Variants in HDLBP observed in about 807,000 individuals in gnomAD.
The protein encoded by HDLBP is vigilin.
Under a neutral mutation model 137.3 loss-of-function variants are expected in HDLBP, and 30 were observed. The ratio of observed to expected loss-of-function variants is 0.22; its 90% CI spans 0.16 to 0.30. The LOEUF is 0.30. HDLBP is among the 10% of genes least tolerant of loss of function. HDLBP has a pLI of 1.00. For missense variants in HDLBP, 1,119 were observed against 1,667.3 expected, an observed-to-expected ratio of 0.67 and a Z score of 5.73; for synonymous variants, 606 against 596.0, an observed-to-expected ratio of 1.02 and a Z score of -0.24.
intron 1 of HDLBP, among the ~76,000 whole-genome samples, chr2:241,311,436 T>C (rs2075755552): frequency 6.6e-6 from 1 of 152,108 alleles, no homozygotes; most frequent in Admixed American, 6.5e-5. Context: ...GAGAATGACA[T>C]AGGTTCCAGA....
At chr2:241,268,826 A>C (rs1559527868) in intron 1 of HDLBP, 1 of 152,240 alleles carries the variant, frequency 6.6e-6, no homozygotes, top group East Asian at 1.9e-4. Flanking sequence ...TTCTAAACTT[A>C]ACTATTTTGA....
intron 12 of HDLBP, 74 bp from the exon 13 acceptor site, chr2:241,248,422 C>A (rs2071850266): frequency 1.7e-6 from 2 of 1,210,724 alleles, no homozygotes; most frequent in Non-Finnish European, 1.2e-6. Flanking sequence ...CAAGGGGACA[C>A]CAGGGAGCCC....
chr2:241,306,500 C>A (rs1380648374), intron 1 of HDLBP, among the ~76,000 whole-genome samples: 1 of 151,892 alleles, frequency 6.6e-6, no homozygotes, highest in African/African-American at 2.4e-5. Flanking sequence ...CTCAGGTGAT[C>A]TGCCCGCCTC....
intron 3 of HDLBP, 26 bp downstream of exon 3, chr2:241,266,768 G>A: frequency 1.4e-6 from 2 of 1,390,762 alleles, no homozygotes; most frequent in South Asian, 2.3e-5. Flanking sequence ...GACATTACCA[G>A]GAAGAGCACA....
rs762688647 is a variant in HDLBP at position 241,229,605 on chromosome 2, C to T, written c.3803G>A (p.Arg1268Gln). ...APKTLPWGPK[R>Q] ...GGGTTCTGTTCTTTTTGATCATTAT[C>T]GTTTGGGGCCCCAAGGGAGGGTCTT... The change falls in exon 28 of 28, where the codon CGA becomes CAA. Residue 1268 changes from arginine (R) to glutamine (Q), a missense_variant. Arg to Gln is a conservative substitution (Grantham distance 43). Transcript: ENST00000310931. 1.9e-6 allele frequency: 3 copies of T among 1,612,514 alleles called. No individual in the cohort carries two copies. The highest frequency in any genetic ancestry group is 2.2e-5 in the East Asian group (1 of 44,870).
intron 1 of HDLBP, among the ~76,000 whole-genome samples, chr2:241,276,696 T>C (rs2074398740): frequency 1.3e-5 from 2 of 152,146 alleles, no homozygotes; most frequent in Admixed American, 6.5e-5. Context: ...GACTGTAGGA[T>C]AAAAATCATT....
intron 16 of HDLBP, 86 bp from the exon 17 acceptor site, chr2:241,242,764 G>T: frequency 1.7e-6 from 2 of 1,168,704 alleles, no homozygotes; most frequent in Non-Finnish European, 1.2e-6. Context: ...ATCTTTGGTG[G>T]TGATGAACAC....
chr2:241,271,250 T>A (rs1559530961), intron 1 of HDLBP: 2 of 475,788 alleles, frequency 4.2e-6, no homozygotes, highest in African/African-American at 2.1e-5. Flanking sequence ...CAGGTCCACC[T>A]AATGTAAACC....
rs527662907 is a variant in HDLBP at position 241,229,037 on chromosome 2, A to AC, written c.*563dup. 111 of 154,360 alleles carry AC rather than the reference A, an allele frequency of 7.2e-4. 2 individuals are homozygous for AC. The South Asian group carries it at 0.021, about 30-fold the overall frequency. The allele number at this position is 154,360 out of a possible 1,614,324, so 9.6% of individuals were successfully genotyped here. On this transcript the variant is annotated 3_prime_UTR_variant, in exon 28 of 28. Transcript: ENST00000310931. ...CCCGTCACCCTCTGCCTCTCAGGTC[A>AC]CCCCCCAGCTCCAGGAACCTGCCTC...
chr2:241,235,349 C>G, intron 22 of HDLBP, 94 bp from the exon 23 acceptor site: 1 of 1,544,674 alleles, frequency 6.5e-7, no homozygotes, highest in Non-Finnish European at 8.8e-7. Context: ...AGAGGGAAGG[C>G]CACCCGCCGT....
rs1385387375 is a variant in HDLBP, at chr2:241,238,227, G to A, written c.2749+422C>T. ...CCTAGAACTGCCGGCCACTTGGATGGTGCCCTCTGGCCAGCCAGAGGCTGC... is the reference window on the plus strand; with the variant it reads ...CCTAGAACTGCCGGCCACTTGGATGATGCCCTCTGGCCAGCCAGAGGCTGC... On this transcript the variant is annotated intron_variant, in intron 20 of 27. Coordinates refer to ENST00000310931, the MANE Select transcript of HDLBP (RefSeq NM_005336.6). This position sits in a 1 kb window ranked among gnomAD's most constrained non-coding sequence, Gnocchi z 4.9. The A allele has an allele frequency of 2.6e-5, 4 of 154,234 alleles. No individual in the cohort carries two copies. The highest frequency in any genetic ancestry group is 9.6e-5 in the African/African-American group (4 of 41,548). The allele number at this position is 154,234 out of a possible 1,614,324, so 9.6% of individuals were successfully genotyped here.
intron 1 of HDLBP, among the ~76,000 whole-genome samples, chr2:241,290,447 CT>C (rs2074975779): frequency 6.6e-6 from 1 of 152,076 alleles, no homozygotes; most frequent in Admixed American, 6.6e-5. Flanking sequence ...CCCGTCTCTA[CT>C]AAAAATACAA....
chr2:241,294,015 C>G (rs566303005), intron 1 of HDLBP, among the ~76,000 whole-genome samples: 4 of 151,600 alleles, frequency 2.6e-5, no homozygotes, highest in Non-Finnish European at 5.9e-5. Context: ...GAGCAATTAA[C>G]TCTCTCTAGC....
intron 1 of HDLBP, among the ~76,000 whole-genome samples, chr2:241,287,399 G>A (rs1008664010): frequency 3.3e-5 from 5 of 149,810 alleles, no homozygotes; most frequent in East Asian, 3.9e-4. Flanking sequence ...AAGCCACCGC[G>A]CCCGGCCTAT....
Position 241,236,388 on chromosome 2 carries a change from C to T in HDLBP, c.2904+227G>A, listed in dbSNP as rs1344394140. 8.8e-6 allele frequency: 5 copies of T among 566,582 alleles called. No homozygotes were observed. The Admixed American group carries it at 1.6e-4, about 18-fold the overall frequency. The allele number at this position is 566,582 out of a possible 1,614,324, so 35.1% of individuals were successfully genotyped here. On this transcript the variant is annotated intron_variant, in intron 21 of 27. Transcript: ENST00000310931. ...AGAGGCCGGATCCCATGCAGCTGTC[C>T]CAGAAAGGGGCTATAGAACCCCGAG...
chr2:241,265,927 G>A (rs1017376071), intron 3 of HDLBP, among the ~76,000 whole-genome samples: 1 of 152,226 alleles, frequency 6.6e-6, no homozygotes, highest in Admixed American at 6.5e-5. Flanking sequence ...ACCTGACACA[G>A]CAGCCACCAG....
At position 241,256,870 on chromosome 2, in the gene HDLBP, C is replaced by T; in HGVS notation, c.451-64G>A. 4 of 1,405,538 alleles carry T rather than the reference C, an allele frequency of 2.8e-6. No homozygotes were observed. The Admixed American group carries it at 6.9e-5, about 24-fold the overall frequency. The allele number at this position is 1,405,538 out of a possible 1,614,324, so 87.1% of individuals were successfully genotyped here. A position where few individuals can be genotyped will look rare whatever the true frequency, so the allele number is the denominator to read the frequency against. On this transcript the variant is annotated intron_variant, in intron 5 of 27. Transcript: ENST00000310931. ...GTAGGTTCTGAAGGAGCATATTTTT[C>T]CAAGACATTCTGGCAGAAACACCAT... is the stretch of plus-strand genomic sequence containing the variant.
intron 15 of HDLBP, 54 bp from the exon 16 acceptor site, chr2:241,246,937 GAC>G (rs1204332205): frequency 6.2e-7 from 1 of 1,605,210 alleles, no homozygotes; most frequent in Non-Finnish European, 8.5e-7. Flanking sequence ...CCAGAGTTGA[GAC>G]ACAGTTGAGC....
At chr2:241,246,953 G>A (rs1195589643) in intron 15 of HDLBP, 70 bp from the exon 16 acceptor site, 7 of 1,590,154 alleles carry the variant, frequency 4.4e-6, no homozygotes, top group Non-Finnish European at 6.0e-6. Context: ...GTTGAGCACA[G>A]GGCTAGAAGT....
Sources: allele counts gnomAD v4.1 joint callset (sites outside exome capture counted in the v4.1 genomes callset), GRCh38; gene constraint gnomAD v4.1.1; non-coding constraint Gnocchi (gnomAD v3.1); transcripts MANE v1.5; gene names NCBI Gene and HGNC (gene_info 2026-07-23, HGNC 2026-07-21).